Variants in HLA-F observed in about 807,000 individuals in gnomAD.
HLA-F encodes major histocompatibility complex, class I, F.
A neutral mutation model predicts 49.5 loss-of-function variants in HLA-F; 46 were observed. That is an observed-to-expected ratio of 0.93 (90% CI 0.73 to 1.19). The LOEUF is 1.19. HLA-F is among the 50% of genes most tolerant of loss of function. HLA-F has a pLI of 0.00. For synonymous variants in HLA-F, 203 were observed against 233.5 expected (o/e 0.87, Z 1.19); for missense variants, 496 against 579.6 (o/e 0.86, Z 1.48).
chr6:29,724,420 G>A lies in HLA-F; in HGVS notation c.582G>A (p.Glu194=). The A allele has an allele frequency of 1.2e-6, 2 of 1,613,312 alleles. No homozygotes were observed. The highest frequency in any genetic ancestry group is 1.1e-5 in the South Asian group (1 of 91,090). ...TGGAGTTGCTCCGCAGATACTTGGA[G>A]AATGGGAAGGAGACGCTACAGCGCG... The part of the protein sequence containing the change: ...ECLELLRRYL[E]NGKETLQRAD... Residue 194 remains glutamate (E), a synonymous_variant, in exon 3 of 7, where the codon GAG becomes GAA. Transcript: ENST00000259951.
chr6:29,724,508 C>A, intron 3 of HLA-F, 60 bp downstream of exon 3: 1 of 1,567,574 alleles, frequency 6.4e-7, no homozygotes, highest in Non-Finnish European at 8.7e-7. Context: ...TGGCCTCGCA[C>A]AAGGTTGGGA....
intron 6 of HLA-F, chr6:29,726,479 T>TA: frequency 6.3e-7 from 1 of 1,584,816 alleles, no homozygotes; most frequent in Non-Finnish European, 8.6e-7. Context: ...CTCACGAACA[T>TA]ACATAAATTT....
intron 5 of HLA-F, 103 bp from the exon 6 acceptor site, chr6:29,725,908 A>T: frequency 7.9e-7 from 1 of 1,270,518 alleles, no homozygotes; most frequent in Non-Finnish European, 1.1e-6. Context: ...CTACAGTTAC[A>T]CTTTTCTGGA....
chr6:29,726,457 T>C lies in HLA-F; in HGVS notation c.1036+414T>C, dbSNP rs917321794. 4 of 1,608,498 alleles carry C rather than the reference T, an allele frequency of 2.5e-6. No individual in the cohort carries two copies. The East Asian group carries it at 6.7e-5, about 27-fold the overall frequency. On this transcript the variant is annotated intron_variant, in intron 6 of 6. Coordinates refer to ENST00000259951, the MANE Select transcript of HLA-F (RefSeq NM_001098479.2). ...GAAGCAAGATATCAATGTAGCAGAA[T>C]TGCACTTGTGCCTCACGAACATACA...
downstream of HLA-F, among the ~76,000 whole-genome samples, chr6:29,731,001 T>C (rs1190562546): frequency 4.6e-5 from 7 of 152,098 alleles, no homozygotes; most frequent in Admixed American, 2.0e-4. Context: ...CCTCACACCA[T>C]TCAAGTCTCT....
chr6:29,737,691 A>G (rs550065143), intron 3 of HLA-F: 6 of 152,334 alleles, frequency 3.9e-5, no homozygotes, highest in African/African-American at 9.6e-5. Flanking sequence ...ACACTAATAA[A>G]GAATAAAATA....
rs1229172913 is a variant in HLA-F, at chr6:29,737,163, T to C, written c.404-959T>C. Among the ~76,000 whole-genome samples, 5 of 143,880 alleles carry C rather than the reference T, an allele frequency of 3.5e-5. No individual in the cohort carries two copies. In the South Asian group the frequency reaches 8.7e-4, roughly 25 times the overall value. The allele number at this position is 143,880 out of a possible 152,430, so 94.4% of individuals were successfully genotyped here. On this transcript the variant is annotated intron_variant, in intron 3 of 4. Coordinates refer to the HLA-F transcript ENST00000465459. The stretch of plus-strand genomic sequence containing the variant: ...AACATCACAAAAAAGAAATAACTAG[T>C]ATTGAATTCTTCCTCTTGATGAAAA...
chr6:29,724,446 C>T lies in HLA-F; in HGVS notation c.608C>T (p.Ala203Val), dbSNP rs1228873119. 1 of 1,612,766 alleles carries T rather than the reference C, an allele frequency of 6.2e-7. No homozygotes were observed. Among genetic ancestry groups the T allele is most frequent in the Admixed American group, 1.7e-5 (1 of 60,028 alleles). Residue 203 changes from alanine (A) to valine (V), a missense_variant and splice_region_variant, in exon 3 of 7, where the codon GCA becomes GTA. Coordinates refer to ENST00000259951, the MANE Select transcript of HLA-F (RefSeq NM_001098479.2). ...AATGGGAAGGAGACGCTACAGCGCG[C>T]AGGTACCAGGGGCCATGGGCGCCTT... ...LENGKETLQR[A>V]DPPKAHVAHH...
chr6:29,736,454 C>T (rs1464592945), intron 3 of HLA-F: 5 of 449,322 alleles, frequency 1.1e-5, no homozygotes, highest in African/African-American at 8.1e-5. Context: ...TCTATATTAG[C>T]TTAGAGAGAA....
At chr6:29,727,817 C>T, downstream of HLA-F, 1 of 411,564 alleles carries the variant, frequency 2.4e-6, no homozygotes, top group South Asian at 1.8e-5. Flanking sequence ...TCCTCACGAG[C>T]TTTAGTTCCC....
intron 5 of HLA-F, 67 bp from the exon 6 acceptor site, chr6:29,725,944 G>A (rs1357735775): frequency 3.3e-6 from 5 of 1,534,010 alleles, no homozygotes; most frequent in East Asian, 2.2e-5. Context: ...AAAGACTAGG[G>A]GTTTGCTCTA....
rs753980244 is a variant in HLA-F, at chr6:29,725,143, T to A, written c.723T>A (p.Asp241Glu). ...AGATCACGCTGACCTGGCAGCGGGA[T>A]GGGGAGGAACAGACCCAGGACACAG... ...PAEITLTWQR[D>E]GEEQTQDTEL... Residue 241 changes from aspartate (D) to glutamate (E), a missense_variant, in exon 4 of 7, where the codon GAT becomes GAA. Transcript: ENST00000259951. The A allele has an allele frequency of 1.2e-6, 2 of 1,614,006 alleles. No individual in the cohort carries two copies. Among genetic ancestry groups the A allele is most frequent in the South Asian group, 2.2e-5 (2 of 91,074 alleles).
At chr6:29,723,582 C>A in intron 1 of HLA-F, 55 bp downstream of exon 1, 1 of 1,597,434 alleles carries the variant, frequency 6.3e-7, no homozygotes, top group African/African-American at 1.4e-5. Flanking sequence ...GAGGGGCCCG[C>A]CCGGTGGGGG....
chr6:29,725,328 G>C (rs200582779), intron 4 of HLA-F, 22 bp downstream of exon 4: 2 of 1,613,400 alleles, frequency 1.2e-6, no homozygotes, highest in East Asian at 2.2e-5. Flanking sequence ...GATGGGTAAA[G>C]AGGGGAACGA....
downstream of HLA-F, among the ~76,000 whole-genome samples, chr6:29,731,025 A>T (rs182486188): frequency 3.3e-5 from 5 of 150,680 alleles, no homozygotes; most frequent in East Asian, 9.8e-4. Flanking sequence ...CAAATGTCCC[A>T]TGGTCAAGTT....
intron 3 of HLA-F, among the ~76,000 whole-genome samples, chr6:29,734,305 T>C (rs1046225844): frequency 6.6e-6 from 1 of 152,218 alleles, no homozygotes; most frequent in Non-Finnish European, 1.5e-5. Context: ...TACTCACTGG[T>C]AAGCAGGATC....
chr6:29,723,512 A>C lies in HLA-F; in HGVS notation c.49A>C (p.Thr17Pro). 1 of 1,612,964 alleles carries C rather than the reference A, an allele frequency of 6.2e-7. No individual in the cohort carries two copies. The highest frequency in any genetic ancestry group is 2.2e-5 in the East Asian group (1 of 44,854). The change falls in exon 1 of 7, where the codon ACC becomes CCC. Residue 17 changes from threonine to proline, a missense_variant. Physicochemically the swap from Thr to Pro is conservative, Grantham distance 38. Coordinates refer to ENST00000259951, the MANE Select transcript of HLA-F (RefSeq NM_001098479.2). ...LLLLSGALALTDTWAGSHSLR... is the reference protein window; with the variant it reads ...LLLLSGALALPDTWAGSHSLR... ...GCTGCTCTCAGGGGCCCTGGCCCTGACCGATACTTGGGCGGGTGAGTGCGG... is the reference window on the plus strand; with the variant it reads ...GCTGCTCTCAGGGGCCCTGGCCCTGCCCGATACTTGGGCGGGTGAGTGCGG...
rs1219869696 is a variant in HLA-F, at chr6:29,723,463, C to T, written c.-1C>T. 8 of 1,613,500 alleles carry T rather than the reference C, an allele frequency of 5.0e-6. No homozygotes were observed. The highest frequency in any genetic ancestry group is 6.8e-6 in the Non-Finnish European group (8 of 1,179,994). ...TTTTCCCAGACGCGGAGGTTGGGGT[C>T]ATGGCGCCCCGAAGCCTCCTCCTGC... On this transcript the variant is annotated 5_prime_UTR_variant, in exon 1 of 7. Coordinates refer to ENST00000259951, the MANE Select transcript of HLA-F (RefSeq NM_001098479.2).
At chr6:29,734,277 G>A (rs571920170) in intron 3 of HLA-F, among the ~76,000 whole-genome samples, 2 of 152,206 alleles carry the variant, frequency 1.3e-5, no homozygotes, top group East Asian at 1.9e-4. Context: ...ACTCCACCCC[G>A]GGCATACAAA....
Sources: gnomAD v4.1 joint callset for allele counts (sites outside exome capture counted in the v4.1 genomes callset) on GRCh38, gnomAD v4.1.1 for gene constraint, MANE v1.5 for transcripts, NCBI Gene and HGNC (gene_info 2026-07-23, HGNC 2026-07-21) for gene names.